KLHL1: variants seen among roughly 807,000 people sequenced by gnomAD.
The protein encoded by KLHL1 is kelch like family member 1, also known as kelch-like protein 1.
In KLHL1, 47 loss-of-function variants were observed where a neutral mutation model predicts 77.7. That is an observed-to-expected ratio of 0.60 (90% confidence interval 0.48 to 0.77). KLHL1 has a LOEUF of 0.77. Ranked by LOEUF, KLHL1 falls within the 30% of genes least tolerant of loss-of-function variation. The pLI, the probability that KLHL1 is intolerant of heterozygous loss-of-function variation, is 0.00. For synonymous variants in KLHL1, 360 were observed against 325.2 expected (o/e 1.11, Z -1.15); for missense variants, 925 against 910.8 (o/e 1.02, Z -0.20).
chr13:69,785,969 T>G (rs1275775837), intron 7 of KLHL1, among the ~76,000 whole-genome samples: 1 of 152,142 alleles, frequency 6.6e-6, no homozygotes, highest in Non-Finnish European at 1.5e-5. Flanking sequence ...AGAAGTTGAC[T>G]CTCTGAATAG....
intron 5 of KLHL1, among the ~76,000 whole-genome samples, chr13:69,857,983 T>C (rs1278552678): frequency 6.6e-6 from 1 of 152,062 alleles, no homozygotes; most frequent in Admixed American, 6.6e-5. Context: ...ACATGCTATG[T>C]ATTCTGAATT....
Position 69,876,976 on chromosome 13 carries a change from G to C in KLHL1, c.1227+5307C>G, listed in dbSNP as rs1312099763. Among the ~76,000 whole-genome samples, 8 of 152,190 alleles carry C rather than the reference G, an allele frequency of 5.3e-5. No individual in the cohort carries two copies. In the South Asian group the frequency reaches 1.7e-3, roughly 32 times the overall value. ...CGCTTGAACCTGCGAGGCAGAGGTT[G>C]CAGTGAGCCAAGACTGTGCCACTGC... On this transcript the variant is annotated intron_variant, in intron 5 of 10. Transcript: ENST00000377844.
intron 4 of KLHL1, among the ~76,000 whole-genome samples, chr13:69,921,412 ATGT>A (rs1468567810): frequency 6.6e-6 from 1 of 152,222 alleles, no homozygotes; most frequent in Non-Finnish European, 1.5e-5. Flanking sequence ...TGCTATATAA[ATGT>A]TGTCAGATAT....
At chr13:69,809,697 A>G (rs1877779459) in intron 6 of KLHL1, among the ~76,000 whole-genome samples, 1 of 152,130 alleles carries the variant, frequency 6.6e-6, no homozygotes, top group South Asian at 2.1e-4. Flanking sequence ...AAATATCAAT[A>G]TCAACATTGA....
At chr13:69,992,390 A>G (rs1885048753) in intron 1 of KLHL1, among the ~76,000 whole-genome samples, 1 of 151,960 alleles carries the variant, frequency 6.6e-6, no homozygotes, top group African/African-American at 2.4e-5. Context: ...GTGCTGACAT[A>G]ATATAATTTG....
chr13:69,704,145 T>G (rs1359665318), intron 10 of KLHL1, among the ~76,000 whole-genome samples: 2 of 151,674 alleles, frequency 1.3e-5, no homozygotes, highest in African/African-American at 4.8e-5. Flanking sequence ...TCTCTATAGA[T>G]GCATGTGTGT....
chr13:69,838,124 C>A (rs1053468692), intron 6 of KLHL1, among the ~76,000 whole-genome samples: 2 of 149,006 alleles, frequency 1.3e-5, no homozygotes, highest in South Asian at 4.2e-4. Context: ...TTCCCTGCAG[C>A]TACAATTTTG....
At chr13:69,918,678 G>A (rs1241857148) in intron 4 of KLHL1, among the ~76,000 whole-genome samples, 1 of 151,934 alleles carries the variant, frequency 6.6e-6, no homozygotes, top group Non-Finnish European at 1.5e-5. Context: ...TATAACAAAA[G>A]GTCAGGTTGA....
chr13:69,783,379 G>C (rs978800951), intron 7 of KLHL1, among the ~76,000 whole-genome samples: 14 of 152,254 alleles, frequency 9.2e-5, no homozygotes, highest in South Asian at 2.1e-4. Flanking sequence ...ACTACTCTGA[G>C]CTACAGGAGG....
At chr13:70,012,946 C>A (rs1298129834) in intron 1 of KLHL1, among the ~76,000 whole-genome samples, 1 of 151,792 alleles carries the variant, frequency 6.6e-6, no homozygotes, top group Non-Finnish European at 1.5e-5. Flanking sequence ...CTATAATATA[C>A]TTTTAATATT....
Position 69,940,833 on chromosome 13 carries a change from T to C in KLHL1, c.818-597A>G, listed in dbSNP as rs1007930680. Among the ~76,000 whole-genome samples the C allele has an allele frequency of 1.7e-4, 25 of 149,788 alleles. 1 individual carries two copies. The highest frequency in any genetic ancestry group is 6.1e-4 in the African/African-American group (25 of 40,880). ...AAAAAAAGGCTCTTTAGTGCTTTAGTGTTTCCTCTGTTTTTCTAATATCCA... is the reference window on the plus strand; with the variant it reads ...AAAAAAAGGCTCTTTAGTGCTTTAGCGTTTCCTCTGTTTTTCTAATATCCA... On this transcript the variant is annotated intron_variant, in intron 3 of 10. Coordinates refer to ENST00000377844, the MANE Select transcript of KLHL1 (RefSeq NM_020866.3).
rs899121422 is a variant in KLHL1, at chr13:70,064,907, A to C, written c.497+42296T>G. On this transcript the variant is annotated intron_variant, in intron 1 of 10. Transcript: ENST00000377844. ...GTATGAAACTACCACCCCATCTTACATTTTATTTCTATCATCTATGAAAGT... is the reference window on the plus strand; with the variant it reads ...GTATGAAACTACCACCCCATCTTACCTTTTATTTCTATCATCTATGAAAGT... 3.3e-5 allele frequency among the ~76,000 whole-genome samples: 5 copies of C among 152,122 alleles called. No individual in the cohort carries two copies. The East Asian group carries it at 5.8e-4, about 18-fold the overall frequency.
intron 9 of KLHL1, among the ~76,000 whole-genome samples, chr13:69,717,779 T>C (rs1872835921): frequency 6.6e-6 from 1 of 152,130 alleles, no homozygotes; most frequent in Non-Finnish European, 1.5e-5. Flanking sequence ...TTAAAATAAA[T>C]GATTGCACAT....
At chr13:70,086,682 C>T (rs1168684130) in intron 1 of KLHL1, among the ~76,000 whole-genome samples, 1 of 146,510 alleles carries the variant, frequency 6.8e-6, no homozygotes, top group Non-Finnish European at 1.5e-5. Context: ...AGATATTAAT[C>T]ACAGCTCATG....
At chr13:69,997,682 T>TTA (rs35239507) in intron 1 of KLHL1, among the ~76,000 whole-genome samples, 101,684 of 146,050 alleles carry the variant, frequency 0.7, 35,698 homozygotes, top group Middle Eastern at 0.73. Flanking sequence ...ATAATATTAC[T>TTA]TATATATATA....
At chr13:69,728,903 T>C (rs1873419526) in intron 8 of KLHL1, among the ~76,000 whole-genome samples, 1 of 152,090 alleles carries the variant, frequency 6.6e-6, no homozygotes, top group Admixed American at 6.6e-5. Context: ...TTTATACATT[T>C]TGCAGATTCT....
At chr13:69,950,275 C>T (rs1241708294) in intron 3 of KLHL1, among the ~76,000 whole-genome samples, 1 of 151,636 alleles carries the variant, frequency 6.6e-6, no homozygotes, top group African/African-American at 2.4e-5. Flanking sequence ...ATGCCAGTAG[C>T]TCAAATTTAC....
chr13:69,807,863 T>C (rs1312719309), intron 6 of KLHL1, among the ~76,000 whole-genome samples: 3 of 152,114 alleles, frequency 2.0e-5, no homozygotes, highest in African/African-American at 7.2e-5. Context: ...CTTTGGAAAC[T>C]GAAACCTGTC....
intron 1 of KLHL1, among the ~76,000 whole-genome samples, chr13:70,085,261 T>C (rs1405081606): frequency 3.9e-5 from 6 of 152,140 alleles, no homozygotes; most frequent in Non-Finnish European, 8.8e-5. Context: ...AAAGAGTTAT[T>C]ACACAATTAG....
Sources: gnomAD v4.1 joint callset for allele counts (sites outside exome capture counted in the v4.1 genomes callset) on GRCh38, gnomAD v4.1.1 for gene constraint, MANE v1.5 for transcripts, NCBI Gene and HGNC (gene_info 2026-07-23, HGNC 2026-07-21) for gene names.